The following DPP6 variants were observed in gnomAD, a reference collection of about 807,000 sequenced individuals.
DPP6 encodes the protein dipeptidyl peptidase like 6, also known as A-type potassium channel modulatory protein DPP6.
A neutral mutation model predicts 122.6 loss-of-function variants in DPP6; 69 were observed. The observed-to-expected ratio is 0.56, with a 90% CI of 0.46 to 0.69. DPP6 has a LOEUF of 0.69. DPP6 is among the 30% of genes least tolerant of loss of function. The probability of loss-of-function intolerance (pLI) is 0.00; values close to 1 mark genes in which losing one functional copy is unlikely to be tolerated. For missense variants in DPP6, 928 were observed against 1,116.9 expected, an observed-to-expected ratio of 0.83 and a Z score of 2.41; for synonymous variants, 418 against 433.1, an observed-to-expected ratio of 0.97 and a Z score of 0.43.
chr7:154,300,657 C>CTGTG (rs141234543), intron 1 of DPP6, among the ~76,000 whole-genome samples: 7,349 of 151,966 alleles, frequency 0.048, 217 homozygotes, highest in East Asian at 0.086. Flanking sequence ...GGATTTGGGG[C>CTGTG]TGTGTGTGTG....
At chr7:154,638,625 G>A (rs549412066) in intron 6 of DPP6, among the ~76,000 whole-genome samples, 14 of 150,328 alleles carry the variant, frequency 9.3e-5, no homozygotes, top group Admixed American at 2.0e-4. Flanking sequence ...CTGGGCAGGC[G>A]TCCCCCACAC....
chr7:154,285,698 G>A (rs549586805), intron 1 of DPP6, among the ~76,000 whole-genome samples: 2 of 152,212 alleles, frequency 1.3e-5, no homozygotes, highest in Non-Finnish European at 2.9e-5. Context: ...TTTGAGAAGC[G>A]TGAAAGCTTA....
At chr7:154,552,669 G>A (rs1305675942) in intron 4 of DPP6, among the ~76,000 whole-genome samples, 1 of 152,178 alleles carries the variant, frequency 6.6e-6, no homozygotes. Flanking sequence ...CCAAATGTGA[G>A]GATCAGCCCA....
At chr7:154,623,991 C>G (rs1437341447) in intron 5 of DPP6, among the ~76,000 whole-genome samples, 1 of 152,118 alleles carries the variant, frequency 6.6e-6, no homozygotes, top group Non-Finnish European at 1.5e-5. Flanking sequence ...GTGAGGAATT[C>G]GAGACCAGCC....
At position 154,210,704 on chromosome 7, in the gene DPP6, G is replaced by A. The variant is rs553990900; in HGVS notation, c.243+157641G>A. ...GTATAGGCAAAGACATGCTGGTAGA[G>A]GAAGGGGTAAGAGAGACCTGAAAAT... On this transcript the variant is annotated intron_variant, in intron 1 of 25. Coordinates refer to ENST00000377770, the MANE Select transcript of DPP6 (RefSeq NM_130797.4). Among the ~76,000 whole-genome samples, 3 of 152,232 alleles carry A rather than the reference G, an allele frequency of 2.0e-5. No homozygotes were observed. In the East Asian group the frequency reaches 5.8e-4, roughly 29 times the overall value.
At chr7:154,834,283 C>T (rs1252334288) in intron 16 of DPP6, among the ~76,000 whole-genome samples, 3 of 141,108 alleles carry the variant, frequency 2.1e-5, no homozygotes, top group Non-Finnish European at 4.5e-5. Flanking sequence ...GCCTAGCCAA[C>T]ATGGTGAAAC....
the DPP6 span, among the ~76,000 whole-genome samples, chr7:153,817,252 C>G: frequency 6.8e-6 from 1 of 148,144 alleles, no homozygotes; most frequent in African/African-American, 2.5e-5. Flanking sequence ...AGTTGGTCAC[C>G]AGGCAGCAGG....
chr7:154,002,226 T>G (rs2129046103), intron 1 of DPP6, among the ~76,000 whole-genome samples: 1 of 152,072 alleles, frequency 6.6e-6, no homozygotes, highest in Admixed American at 6.5e-5. Context: ...GTCATGCGTA[T>G]TTTTGTATCC....
chr7:154,171,899 A>C (rs1285293082), intron 1 of DPP6, among the ~76,000 whole-genome samples: 2 of 152,150 alleles, frequency 1.3e-5, no homozygotes, highest in Non-Finnish European at 2.9e-5. Context: ...CCAAGATGGT[A>C]ATTTCTGTCT....
intron 8 of DPP6, among the ~76,000 whole-genome samples, chr7:154,739,382 T>G (rs1335333575): frequency 6.6e-6 from 1 of 151,948 alleles, no homozygotes; most frequent in Non-Finnish European, 1.5e-5. Flanking sequence ...CAGAGTTGGG[T>G]TGAGAAAGCA....
intron 1 of DPP6, among the ~76,000 whole-genome samples, chr7:154,115,050 G>T (rs1318114302): frequency 6.6e-6 from 1 of 152,162 alleles, no homozygotes; most frequent in Non-Finnish European, 1.5e-5. Context: ...CCAGGTGAGG[G>T]TACTTCATAG....
intron 1 of DPP6, among the ~76,000 whole-genome samples, chr7:153,912,888 A>C (rs2129003828): frequency 6.6e-6 from 1 of 152,316 alleles, no homozygotes; most frequent in East Asian, 1.9e-4. Context: ...TTCTAACTTA[A>C]GAAAAATAGT....
intron 21 of DPP6, among the ~76,000 whole-genome samples, chr7:154,883,127 A>G (rs536692002): frequency 6.6e-6 from 1 of 150,916 alleles, no homozygotes; most frequent in South Asian, 2.1e-4. Flanking sequence ...GTGCTCACAC[A>G]TACACACACA....
rs546058596 is a variant in DPP6 at position 154,139,210 on chromosome 7, G to T, written c.243+86147G>T. Among the ~76,000 whole-genome samples the T allele has an allele frequency of 2.0e-5, 3 of 148,956 alleles. No homozygotes were observed. In the East Asian group the frequency reaches 5.9e-4, roughly 29 times the overall value. ...GCAGGCCATCTGCAAGCTATAGAAT[G>T]GGGGAAGCTGGCAGTGTGGCTCAGT... is the stretch of plus-strand genomic sequence containing the variant. On this transcript the variant is annotated intron_variant, in intron 1 of 25. Coordinates refer to ENST00000377770, the MANE Select transcript of DPP6 (RefSeq NM_130797.4).
chr7:154,168,453 C>T (rs1797368023), intron 1 of DPP6, among the ~76,000 whole-genome samples: 1 of 152,166 alleles, frequency 6.6e-6, no homozygotes, highest in Non-Finnish European at 1.5e-5. Context: ...TAGTTCTGAG[C>T]CACAGCTCTG....
intron 1 of DPP6, among the ~76,000 whole-genome samples, chr7:153,977,704 C>G (rs1161381529): frequency 6.6e-6 from 1 of 152,120 alleles, no homozygotes; most frequent in Non-Finnish European, 1.5e-5. Context: ...CTATCCCTCC[C>G]CTTGTCCCCC....
chr7:154,041,300 A>C (rs1206373537), intron 1 of DPP6, among the ~76,000 whole-genome samples: 1 of 152,242 alleles, frequency 6.6e-6, no homozygotes, highest in Non-Finnish European at 1.5e-5. Context: ...TTTTCCCCAG[A>C]GTTATGGACA....
chr7:154,759,350 A>AT lies in DPP6; in HGVS notation c.884-10067_884-10066insT, dbSNP rs771421250. On this transcript the variant is annotated intron_variant, in intron 8 of 25. Transcript: ENST00000377770. Reference sequence around the variant, plus strand: ...GGCAATTAACAGTAGGGAAGGGAGAAGGAGGGTGAGCAGTGAGGCTTCTCA... The same window carrying AT: ...GGCAATTAACAGTAGGGAAGGGAGAATGGAGGGTGAGCAGTGAGGCTTCTCA... Among the ~76,000 whole-genome samples, 25 of 152,340 alleles carry AT rather than the reference A, an allele frequency of 1.6e-4. No individual in the cohort carries two copies. The East Asian group carries it at 3.3e-3, about 20-fold the overall frequency.
intron 3 of DPP6, among the ~76,000 whole-genome samples, chr7:154,531,978 A>G (rs1827872113): frequency 6.6e-6 from 1 of 152,162 alleles, no homozygotes; most frequent in Admixed American, 6.5e-5. Context: ...CCAAATAATG[A>G]GAGAGAAACA....
Sources: gnomAD v4.1 joint callset for allele counts (sites outside exome capture counted in the v4.1 genomes callset) on GRCh38, gnomAD v4.1.1 for gene constraint, MANE v1.5 for transcripts, NCBI Gene and HGNC (gene_info 2026-07-23, HGNC 2026-07-21) for gene names.